Variants in GTF2H3 observed in about 807,000 individuals in gnomAD.
GTF2H3 encodes the protein TFIIH basal transcription factor complex p34 subunit.
A neutral mutation model predicts 51.1 loss-of-function variants in GTF2H3; 42 were observed. The observed-to-expected ratio is 0.82, with a 90% CI of 0.64 to 1.06. The LOEUF is 1.06. Among genes scored for constraint, GTF2H3 ranks in the 50% least tolerant of loss-of-function variants. The pLI is 0.00. For missense variants in GTF2H3, 326 were observed against 366.1 expected, an observed-to-expected ratio of 0.89 and a Z score of 0.89; for synonymous variants, 123 against 123.8, an observed-to-expected ratio of 0.99 and a Z score of 0.04.
At chr12:123,638,752 C>T (rs928924265) in intron 1 of GTF2H3, among the ~76,000 whole-genome samples, 29 of 149,392 alleles carry the variant, frequency 1.9e-4, no homozygotes, top group African/African-American at 6.9e-4. Context: ...TGGTTCAGGA[C>T]GTAGACAAGA....
intron 9 of GTF2H3, among the ~76,000 whole-genome samples, chr12:123,657,918 T>G (rs1955607218): frequency 6.6e-6 from 1 of 152,208 alleles, no homozygotes; most frequent in South Asian, 2.1e-4. Flanking sequence ...GATGAATGAT[T>G]GTTGGGAAAA....
rs183940144 is a variant in GTF2H3 at position 123,645,517 on chromosome 12, T to A, written c.156T>A (p.Asn52Lys). 25 of 1,609,884 alleles carry A rather than the reference T, an allele frequency of 1.6e-5. No individual in the cohort carries two copies. The highest frequency in any genetic ancestry group is 1.8e-5 in the Non-Finnish European group (21 of 1,176,214). ...MVLGNSHLFM[N>K]RSNKLAVIAS... ...TGGGAAATTCGCATTTATTCATGAA[T>A]CGTTCCAACAAACTTGCTGTGATAG... Residue 52 changes from asparagine (N) to lysine (K), a missense_variant, in exon 3 of 13, where the codon AAT (asparagine) becomes AAA (lysine). Transcript: ENST00000543341.
intron 7 of GTF2H3, among the ~76,000 whole-genome samples, chr12:123,653,648 CAAA>C (rs1180135835): frequency 2.5e-5 from 3 of 120,110 alleles, no homozygotes; most frequent in Non-Finnish European, 3.6e-5. Context: ...GACTCTGTCT[CAAA>C]AAAAAAAAAA....
chr12:123,653,090 G>A (rs764512656), intron 7 of GTF2H3, among the ~76,000 whole-genome samples: 27 of 151,360 alleles, frequency 1.8e-4, no homozygotes, highest in Admixed American at 2.6e-4. Context: ...GTGAGACTCC[G>A]TCTCAAAAAG....
intron 2 of GTF2H3, chr12:123,639,887 A>G (rs773363080): frequency 6.2e-6 from 2 of 321,384 alleles, no homozygotes; most frequent in African/African-American, 8.1e-5. Flanking sequence ...ACTTGTGTGT[A>G]TGCGTGCGTG....
intron 1 of GTF2H3, among the ~76,000 whole-genome samples, chr12:123,636,506 C>T (rs746536634): frequency 1.2e-4 from 18 of 149,270 alleles, no homozygotes; most frequent in Admixed American, 3.6e-4. Flanking sequence ...CCGGGCACGG[C>T]GGCACATGCC....
intron 2 of GTF2H3, among the ~76,000 whole-genome samples, chr12:123,641,208 GTAT>G (rs1247329017): frequency 3.3e-5 from 5 of 150,956 alleles, no homozygotes; most frequent in African/African-American, 1.2e-4. Context: ...TTGAAATGAA[GTAT>G]TGTTGTTGAA....
At chr12:123,654,490 T>G (rs1216212883) in intron 7 of GTF2H3, among the ~76,000 whole-genome samples, 1 of 151,112 alleles carries the variant, frequency 6.6e-6, no homozygotes, top group Non-Finnish European at 1.5e-5. Context: ...GTATTTGGGG[T>G]GTGTGTATTT....
chr12:123,648,313 C>T (rs1229112553), intron 4 of GTF2H3, 187 bp downstream of exon 4: 1 of 423,454 alleles, frequency 2.4e-6, no homozygotes, highest in Non-Finnish European at 4.1e-6. Context: ...TGCTGAGCAG[C>T]CTTTACTTCT....
intron 5 of GTF2H3, among the ~76,000 whole-genome samples, chr12:123,651,946 C>G (rs1955526221): frequency 6.6e-6 from 1 of 151,968 alleles, no homozygotes; most frequent in Non-Finnish European, 1.5e-5. Context: ...TTTCTTGTTT[C>G]TTATTTTGAT....
At chr12:123,648,257 G>A (rs1054359215) in intron 4 of GTF2H3, 131 bp downstream of exon 4, 7 of 609,846 alleles carry the variant, frequency 1.1e-5, no homozygotes, top group African/African-American at 1.9e-5. Context: ...AATCATTTTC[G>A]TCAAAGTTGG....
chr12:123,640,460 C>T (rs995782073), intron 2 of GTF2H3, among the ~76,000 whole-genome samples: 1 of 151,134 alleles, frequency 6.6e-6, no homozygotes, highest in African/African-American at 2.4e-5. Context: ...CCTCAGCCTT[C>T]CGAGTAGCTG....
At chr12:123,634,906 GA>G (rs1312964370) in intron 1 of GTF2H3, among the ~76,000 whole-genome samples, 1 of 152,240 alleles carries the variant, frequency 6.6e-6, no homozygotes, top group African/African-American at 2.4e-5. Flanking sequence ...TTTTAAGCCA[GA>G]AAGTGTTATG....
intron 9 of GTF2H3, among the ~76,000 whole-genome samples, chr12:123,657,359 C>T (rs1410527164): frequency 3.9e-5 from 6 of 152,184 alleles, no homozygotes; most frequent in Non-Finnish European, 8.8e-5. Flanking sequence ...CCTTTTGCCC[C>T]GCATCTTCCA....
At chr12:123,656,311 C>T (rs1955586215) in intron 9 of GTF2H3, among the ~76,000 whole-genome samples, 1 of 152,136 alleles carries the variant, frequency 6.6e-6, no homozygotes, top group Non-Finnish European at 1.5e-5. Context: ...ATATGATGTT[C>T]ATTTTATTAT....
At chr12:123,635,505 A>C (rs1955267673) in intron 1 of GTF2H3, among the ~76,000 whole-genome samples, 1 of 150,160 alleles carries the variant, frequency 6.7e-6, no homozygotes. Context: ...CCCAGGAGGC[A>C]GAGGTTGCAG....
intron 1 of GTF2H3, among the ~76,000 whole-genome samples, 185 bp from the exon 2 acceptor site, chr12:123,639,079 G>A (rs1593793788): frequency 6.6e-6 from 1 of 152,160 alleles, no homozygotes; most frequent in African/African-American, 2.4e-5. Context: ...ACAGGCGTGA[G>A]CCACCACGCC....
intron 2 of GTF2H3, among the ~76,000 whole-genome samples, chr12:123,641,459 C>G (rs1459292473): frequency 2.0e-5 from 3 of 151,512 alleles, no homozygotes; most frequent in Non-Finnish European, 4.4e-5. Context: ...CTCCTGACCT[C>G]AAGTGATCTG....
At chr12:123,643,142 T>C (rs1375049821) in intron 2 of GTF2H3, among the ~76,000 whole-genome samples, 1 of 152,202 alleles carries the variant, frequency 6.6e-6, no homozygotes, top group East Asian at 1.9e-4. Context: ...CCTCCCAAAG[T>C]GCTGGGATTA....
Sources: gnomAD v4.1 joint callset for allele counts (sites outside exome capture counted in the v4.1 genomes callset) on GRCh38, gnomAD v4.1.1 for gene constraint, MANE v1.5 for transcripts, NCBI Gene and HGNC (gene_info 2026-07-23, HGNC 2026-07-21) for gene names.